Variants in PEX1 observed in about 807,000 individuals in gnomAD.
PEX1 encodes the protein peroxisomal biogenesis factor 1, also known as peroxisomal ATPase PEX1.
Under a neutral mutation model 152.5 loss-of-function variants are expected in PEX1, and 97 were observed. The observed-to-expected ratio is 0.64, with a 90% confidence interval of 0.54 to 0.75. The LOEUF (loss-of-function observed/expected upper bound fraction) is 0.75, where lower values mean the gene tolerates loss of function less well. PEX1 is among the 30% of genes least tolerant of loss of function. PEX1 has a pLI of 0.00. For missense variants in PEX1, 1,357 were observed against 1,516.3 expected (o/e 0.89, Z 1.74); for synonymous variants, 485 against 531.6 (o/e 0.91, Z 1.21).
chr7:92,489,651 T>C, intron 22 of PEX1, 63 bp downstream of exon 22: 1 of 1,443,400 alleles, frequency 6.9e-7, no homozygotes, highest in Non-Finnish European at 9.7e-7. Flanking sequence ...GAAATATATA[T>C]CAAAAGGGTG....
At chr7:92,512,977 A>G (rs931431515) in intron 6 of PEX1, among the ~76,000 whole-genome samples, 1 of 152,154 alleles carries the variant, frequency 6.6e-6, no homozygotes, top group Non-Finnish European at 1.5e-5. Flanking sequence ...CTCTACCAGT[A>G]TCCAAAGAAT....
At chr7:92,518,463 T>C (rs1792907756) in intron 3 of PEX1, among the ~76,000 whole-genome samples, 1 of 152,240 alleles carries the variant, frequency 6.6e-6, no homozygotes. Context: ...AGTTACCCAC[T>C]TTTGTGTTTT....
At chr7:92,505,412 C>A (rs79533659) in intron 11 of PEX1, among the ~76,000 whole-genome samples, 437 of 133,594 alleles carry the variant, frequency 3.3e-3, no homozygotes, top group Middle Eastern at 3.8e-3. Flanking sequence ...GACTCTGTCT[C>A]AAAAAAAAAA....
At position 92,511,038 on chromosome 7, in the gene PEX1, T is replaced by A; in HGVS notation, c.1493A>T (p.Glu498Val). 7.0e-7 allele frequency: 1 copy of A among 1,431,450 alleles called. No homozygotes were observed. The highest frequency in any genetic ancestry group is 9.8e-7 in the Non-Finnish European group (1 of 1,015,650). The allele number at this position is 1,431,450 out of a possible 1,614,324, so 88.7% of individuals were successfully genotyped here. ...IKLETKDGLK[E>V]FSLSIVHSWE... ...AGAATGAACTATACTCAGAGAAAATTCCTTCAGTCCTATTAAAAAGAAAGT... is the reference window on the plus strand; with the variant it reads ...AGAATGAACTATACTCAGAGAAAATACCTTCAGTCCTATTAAAAAGAAAGT... The change falls in exon 8 of 24, where the codon GAA becomes GTA. Residue 498 changes from glutamate (E) to valine (V), a missense_variant. Glu to Val is a moderately radical substitution (Grantham distance 121). Coordinates refer to ENST00000248633, the MANE Select transcript of PEX1 (RefSeq NM_000466.3).
Position 92,509,391 on chromosome 7 carries a change from T to G in PEX1, c.1608A>C (p.Val536=). ...TTIQVLLDPM[V]KEENSEEIDF... is the part of the protein sequence containing the mutation. ...CAATTTCCTCACTGTTTTCTTCTTT[T>G]ACCATAGGATCTAGAAGGACCTACA... Residue 536 remains valine, a synonymous_variant, in exon 9 of 24, where the codon GTA becomes GTC. Coordinates refer to ENST00000248633, the MANE Select transcript of PEX1 (RefSeq NM_000466.3). 1.9e-6 allele frequency: 3 copies of G among 1,611,956 alleles called. No individual in the cohort carries two copies. Among genetic ancestry groups the G allele is most frequent in the Non-Finnish European group, 2.5e-6 (3 of 1,178,416 alleles).
At chr7:92,500,074 A>T (rs533754628) in intron 15 of PEX1, among the ~76,000 whole-genome samples, 1 of 152,356 alleles carries the variant, frequency 6.6e-6, no homozygotes, top group South Asian at 2.1e-4. Flanking sequence ...TAAAATGCAT[A>T]TAACTGCATC....
At chr7:92,511,765 A>G (rs1328186483) in intron 6 of PEX1, 62 bp from the exon 7 acceptor site, 1 of 1,445,472 alleles carries the variant, frequency 6.9e-7, no homozygotes, top group Admixed American at 1.7e-5. Context: ...TAACACCCTT[A>G]TTTTAACATC....
chr7:92,513,607 G>C (rs1005333977), intron 6 of PEX1, among the ~76,000 whole-genome samples: 5 of 152,078 alleles, frequency 3.3e-5, no homozygotes, highest in Admixed American at 3.3e-4. Context: ...TGGGGTGATG[G>C]AAAAGTTCTG....
chr7:92,494,243 A>G (rs764179592), intron 19 of PEX1, 50 bp downstream of exon 19: 2 of 1,323,084 alleles, frequency 1.5e-6, no homozygotes, highest in Admixed American at 3.5e-5. Flanking sequence ...GCTCACAAGG[A>G]AAGAGTGTAG....
intron 15 of PEX1, 138 bp downstream of exon 15, chr7:92,501,369 T>G: frequency 1.5e-6 from 1 of 688,210 alleles, no homozygotes; most frequent in East Asian, 2.7e-5. Context: ...TAAAATAGTG[T>G]TAAGACATTT....
At chr7:92,491,111 C>T (rs1791286132) in intron 21 of PEX1, 161 bp downstream of exon 21, 1 of 603,018 alleles carries the variant, frequency 1.7e-6, no homozygotes, top group African/African-American at 1.9e-5. Context: ...ACAAGGAATG[C>T]AAATTACCAA....
intron 11 of PEX1, 93 bp downstream of exon 11, chr7:92,506,155 A>G: frequency 1.3e-6 from 1 of 767,964 alleles, no homozygotes; most frequent in Non-Finnish European, 2.4e-6. Context: ...AGACTAGATG[A>G]TATGTGTATT....
chr7:92,496,934 T>C (rs1791680693), intron 16 of PEX1, among the ~76,000 whole-genome samples, 157 bp from the exon 17 acceptor site: 1 of 152,228 alleles, frequency 6.6e-6, no homozygotes, highest in Admixed American at 6.5e-5. Flanking sequence ...ATAAATATCA[T>C]ACCACAAGTT....
At chr7:92,519,513 C>T in intron 2 of PEX1, among the ~76,000 whole-genome samples, 1 of 152,024 alleles carries the variant, frequency 6.6e-6, no homozygotes, top group Non-Finnish European at 1.5e-5. Flanking sequence ...TACATCTCAG[C>T]ATGACATGTT....
At chr7:92,526,771 G>A (rs1341745949) in intron 1 of PEX1, among the ~76,000 whole-genome samples, 1 of 152,114 alleles carries the variant, frequency 6.6e-6, no homozygotes, top group Admixed American at 6.6e-5. Flanking sequence ...AAAACTGTAC[G>A]TGTGTATACA....
chr7:92,516,295 T>C (rs563798104), intron 5 of PEX1, among the ~76,000 whole-genome samples: 1 of 150,780 alleles, frequency 6.6e-6, no homozygotes, highest in East Asian at 2.0e-4. Flanking sequence ...GGCGTGGTGG[T>C]GCATGCCTGT....
rs1792904582 is a variant in PEX1 at position 92,518,405 on chromosome 7, G to A, written c.358-150C>T. The A allele has an allele frequency of 3.6e-5, 23 of 645,092 alleles. No homozygotes were observed. The South Asian group carries it at 4.2e-4, about 12-fold the overall frequency. 40.0% of individuals were successfully genotyped at this position (645,092 alleles called of 1,614,324 possible). On this transcript the variant is annotated intron_variant, in intron 3 of 23. Coordinates refer to ENST00000248633, the MANE Select transcript of PEX1 (RefSeq NM_000466.3). ...TGGTGTTATGAGCTACATATAGATA[G>A]TATAATGGTTACTATAGTGAAGTAA...
intron 7 of PEX1, among the ~76,000 whole-genome samples, chr7:92,511,344 C>T (rs537640939): frequency 1.3e-5 from 2 of 152,176 alleles, no homozygotes; most frequent in Admixed American, 6.5e-5. Flanking sequence ...AGGCTGCTCT[C>T]GAACTCCTGG....
chr7:92,495,874 A>G (rs902645365), intron 17 of PEX1, among the ~76,000 whole-genome samples: 4 of 152,104 alleles, frequency 2.6e-5, no homozygotes, highest in East Asian at 3.8e-4. Flanking sequence ...AGATAGATAC[A>G]TAAGTGGTTA....
Sources: allele counts gnomAD v4.1 joint callset (sites outside exome capture counted in the v4.1 genomes callset), GRCh38; gene constraint gnomAD v4.1.1; transcripts MANE v1.5; gene names NCBI Gene and HGNC (gene_info 2026-07-23, HGNC 2026-07-21).